SMG1: variants seen among roughly 807,000 people sequenced by gnomAD.
SMG1 encodes serine/threonine-protein kinase SMG1.
Under a neutral mutation model 419.9 loss-of-function variants are expected in SMG1, and 22 were observed. The ratio of observed to expected loss-of-function variants is 0.05; its 90% CI spans 0.04 to 0.07. The LOEUF is 0.07. SMG1 is among the 10% of genes least tolerant of loss of function. The pLI is 1.00. For missense variants in SMG1, 3,185 were observed against 4,342.0 expected, an observed-to-expected ratio of 0.73 and a Z score of 7.49; for synonymous variants, 1,538 against 1,553.5, an observed-to-expected ratio of 0.99 and a Z score of 0.23.
At chr16:18,906,076 C>T (rs1596639948) in intron 1 of SMG1, among the ~76,000 whole-genome samples, 1 of 152,170 alleles carries the variant, frequency 6.6e-6, no homozygotes, top group African/African-American at 2.4e-5. Context: ...CCAGGTCCTC[C>T]AGTGTTTACT....
chr16:18,838,131 C>T lies in SMG1; in HGVS notation c.7296G>A (p.Gly2432=). The T allele has an allele frequency of 6.2e-7, 1 of 1,613,896 alleles. No homozygotes were observed. Among genetic ancestry groups the T allele is most frequent in the Non-Finnish European group, 8.5e-7 (1 of 1,179,856 alleles). The stretch of plus-strand genomic sequence containing the variant: ...CTCCACCATAGACAGCACCAGCAAA[C>T]CCAGCCTCGCCTCCTGCTGTCCAGT... ...LVDWTAGGEA[G]FAGAVYGGGG... is the part of the protein sequence containing the mutation. Residue 2432 remains glycine (G), a synonymous_variant, in exon 45 of 63, where the codon GGG becomes GGA. Coordinates refer to ENST00000446231, the MANE Select transcript of SMG1 (RefSeq NM_015092.5).
chr16:18,841,453 CTT>C, intron 41 of SMG1, 110 bp downstream of exon 41: 1 of 843,416 alleles, frequency 1.2e-6, no homozygotes, highest in East Asian at 2.9e-5. Context: ...GACCTCAAGT[CTT>C]TTCCTTCTTT....
chr16:18,872,439 A>G (rs1596562852), intron 14 of SMG1, 55 bp downstream of exon 14: 1 of 1,481,176 alleles, frequency 6.8e-7, no homozygotes, highest in East Asian at 2.4e-5. Flanking sequence ...AAATCTATCC[A>G]TTAAAAAAAA....
In SMG1 at chr16:18,850,038, C is replaced by T. The variant is rs1268607363; in HGVS notation, c.5372G>A (p.Arg1791His). 2.5e-6 allele frequency: 4 copies of T among 1,613,966 alleles called. No homozygotes were observed. Among genetic ancestry groups the T allele is most frequent in the Non-Finnish European group, 3.4e-6 (4 of 1,179,890 alleles). Reference protein sequence around the residue: ...TDDMIVMATLRLLRLLVKHAG... With the variant: ...TDDMIVMATLHLLRLLVKHAG... ...ATGCTTCACGAGCAACCGCAGCAGGCGCAATGTGGCCATCACAATCATGTC... is the reference window on the plus strand; with the variant it reads ...ATGCTTCACGAGCAACCGCAGCAGGTGCAATGTGGCCATCACAATCATGTC... The change falls in exon 35 of 63, where the codon CGC becomes CAC. Residue 1791 changes from arginine to histidine, a missense_variant. Coordinates refer to ENST00000446231, the MANE Select transcript of SMG1 (RefSeq NM_015092.5).
intron 41 of SMG1, 139 bp downstream of exon 41, chr16:18,841,426 A>G (rs1356405559): frequency 1.4e-6 from 1 of 712,918 alleles, no homozygotes; most frequent in East Asian, 2.7e-5. Context: ...AAAGTACCTC[A>G]AAAATACTCT....
intron 1 of SMG1, among the ~76,000 whole-genome samples, chr16:18,914,058 T>G (rs1462776157): frequency 6.6e-6 from 1 of 151,566 alleles, no homozygotes; most frequent in Non-Finnish European, 1.5e-5. Flanking sequence ...TCCCAGCTAC[T>G]CAGGAGGCCG....
intron 41 of SMG1, 92 bp from the exon 42 acceptor site, chr16:18,840,038 A>G: frequency 9.4e-7 from 1 of 1,059,208 alleles, no homozygotes; most frequent in Non-Finnish European, 1.3e-6. Context: ...ATTTTTAAAA[A>G]TGATTTTTCA....
chr16:18,870,976 T>C, intron 16 of SMG1, 88 bp from the exon 17 acceptor site: 1 of 728,954 alleles, frequency 1.4e-6, no homozygotes, highest in South Asian at 1.7e-5. Flanking sequence ...CATTCATTCA[T>C]TCAACAAAGA....
rs566049696 is a variant in SMG1 at position 18,809,242 on chromosome 16, C to T, written c.*327G>A. 80 of 289,444 alleles carry T rather than the reference C, an allele frequency of 2.8e-4. 1 individual carries two copies. Among genetic ancestry groups the T allele is most frequent in the Admixed American group, 2.0e-3 (46 of 22,456 alleles). The allele number at this position is 289,444 out of a possible 1,614,324, so 17.9% of individuals were successfully genotyped here. A position where few individuals can be genotyped will look rare whatever the true frequency, so the allele number is the denominator to read the frequency against. ...TGGAGTTCCAAATCACTCTGTGCTC[C>T]GCGGCATCCCGATTTCTTTCCGCAG... On this transcript the variant is annotated 3_prime_UTR_variant, in exon 63 of 63. Transcript: ENST00000446231.
At chr16:18,832,841 TA>T in intron 51 of SMG1, 98 bp downstream of exon 51, 1 of 1,084,676 alleles carries the variant, frequency 9.2e-7, no homozygotes. Flanking sequence ...ATACCTGCTC[TA>T]AAAACTAAAA....
At position 18,837,999 on chromosome 16, in the gene SMG1, G is replaced by T; in HGVS notation, c.7413+15C>A. 6.2e-7 allele frequency: 1 copy of T among 1,611,420 alleles called. No homozygotes were observed. Among genetic ancestry groups the T allele is most frequent in the South Asian group, 1.1e-5 (1 of 90,922 alleles). ...TAAAAAGAAGACAATGACTTATTCC[G>T]TCACTGGGCTTCACCTTAATCTCAG... On this transcript the variant is annotated intron_variant, in intron 45 of 62. Coordinates refer to ENST00000446231, the MANE Select transcript of SMG1 (RefSeq NM_015092.5).
rs1170553994 is a variant in SMG1, at chr16:18,853,831, C to T, written c.4520G>A (p.Cys1507Tyr). Residue 1507 changes from cysteine to tyrosine, a missense_variant, in exon 31 of 63, where the codon TGT (cysteine) becomes TAT (tyrosine). Coordinates refer to ENST00000446231, the MANE Select transcript of SMG1 (RefSeq NM_015092.5). ...STHAMEMLSS[C>Y]AISFCKSVKA... ...CACAGACTTGCAGAAAGATATGGCACAAGAACTCAACATTTCCATTGCATG... is the reference window on the plus strand; with the variant it reads ...CACAGACTTGCAGAAAGATATGGCATAAGAACTCAACATTTCCATTGCATG... The T allele has an allele frequency of 1.2e-6, 2 of 1,613,060 alleles. No homozygotes were observed. The highest frequency in any genetic ancestry group is 8.5e-7 in the Non-Finnish European group (1 of 1,179,462).
At chr16:18,921,978 C>A (rs1227985226) in intron 1 of SMG1, among the ~76,000 whole-genome samples, 2 of 152,180 alleles carry the variant, frequency 1.3e-5, no homozygotes, top group Non-Finnish European at 2.9e-5. Flanking sequence ...TATAGATCTA[C>A]TACTAAACAA....
At chr16:18,820,345 G>C (rs1448367211) in intron 55 of SMG1, among the ~76,000 whole-genome samples, 1 of 151,756 alleles carries the variant, frequency 6.6e-6, no homozygotes, top group Admixed American at 6.6e-5. Context: ...TGGGACAAGA[G>C]GTGCGTGCCA....
Position 18,829,406 on chromosome 16 carries a change from C to T in SMG1, c.9483G>A (p.Val3161=). 1 of 1,614,020 alleles carries T rather than the reference C, an allele frequency of 6.2e-7. No homozygotes were observed. ...FSQLVMNRAT[V]LASSYDTAWK... ...AGGCAGTGTCGTAAGAACTTGCTAA[C>T]ACAGTTGCCCTGTTCATAACCAGCT... Residue 3161 remains valine, a synonymous_variant, in exon 54 of 63, where the codon GTG becomes GTA. Coordinates refer to ENST00000446231, the MANE Select transcript of SMG1 (RefSeq NM_015092.5).
intron 1 of SMG1, among the ~76,000 whole-genome samples, chr16:18,922,415 G>A (rs569854938): frequency 3.9e-5 from 6 of 152,182 alleles, no homozygotes; most frequent in East Asian, 3.9e-4. Context: ...TCAACTTTAC[G>A]CTTGAGGAAC....
At chr16:18,817,595 A>AT in intron 56 of SMG1, 125 bp from the exon 57 acceptor site, 1 of 772,572 alleles carries the variant, frequency 1.3e-6, no homozygotes, top group East Asian at 2.7e-5. Context: ...ATTGGTCCTG[A>AT]AAATGTTTGG....
chr16:18,902,783 G>A (rs1302460268), intron 1 of SMG1, among the ~76,000 whole-genome samples: 27 of 151,798 alleles, frequency 1.8e-4, no homozygotes, highest in East Asian at 1.9e-4. Context: ...CTTATGGACT[G>A]GACTCCCTCT....
At chr16:18,878,444 CAAA>C (rs925396979) in intron 11 of SMG1, 9 of 151,492 alleles carry the variant, frequency 5.9e-5, no homozygotes, top group Non-Finnish European at 1.0e-4. Flanking sequence ...CCCTTCTCTC[CAAA>C]AAATACAAAG....
Sources: allele counts gnomAD v4.1 joint callset (sites outside exome capture counted in the v4.1 genomes callset), GRCh38; gene constraint gnomAD v4.1.1; transcripts MANE v1.5; gene names NCBI Gene and HGNC (gene_info 2026-07-23, HGNC 2026-07-21).